CMTM3: variants seen among roughly 807,000 people sequenced by gnomAD.
CMTM3 encodes CKLF-like MARVEL transmembrane domain-containing protein 3.
Under a neutral mutation model 18.2 loss-of-function variants are expected in CMTM3, and 7 were observed. The ratio of observed to expected loss-of-function variants is 0.38; its 90% CI spans 0.22 to 0.72. The LOEUF (loss-of-function observed/expected upper bound fraction) is 0.72, where lower values mean the gene tolerates loss of function less well. Among genes scored for constraint, CMTM3 ranks in the 30% least tolerant of loss-of-function variants. The pLI is 0.46. For missense variants in CMTM3, 227 were observed against 249.2 expected (o/e 0.91, Z 0.60); for synonymous variants, 109 against 111.2 (o/e 0.98, Z 0.12).
Position 66,609,298 on chromosome 16 carries a change from A to C in CMTM3, c.304-137A>C. On this transcript the variant is annotated intron_variant, in intron 2 of 4. Transcript: ENST00000567572. This position sits in a 1 kb window ranked among gnomAD's most constrained non-coding sequence, Gnocchi z 4.4. Reference sequence around the variant, plus strand: ...TCGGGGGTGGGACAAGGGCCTAGGCATGTGGGTGGGGCCAGGATGGGATAG... The same window carrying C: ...TCGGGGGTGGGACAAGGGCCTAGGCCTGTGGGTGGGGCCAGGATGGGATAG... 1.4e-6 allele frequency: 1 copy of C among 699,048 alleles called. No individual in the cohort carries two copies. Among genetic ancestry groups the C allele is most frequent in the Non-Finnish European group, 2.4e-6 (1 of 414,364 alleles). 43.3% of individuals were successfully genotyped at this position (699,048 alleles called of 1,614,324 possible).
chr16:66,607,329 G>A (rs952370111), intron 1 of CMTM3, among the ~76,000 whole-genome samples: 1 of 152,236 alleles, frequency 6.6e-6, no homozygotes, highest in Non-Finnish European at 1.5e-5. Context: ...TTCAAGTACA[G>A]CTGGCCCCAC....
In CMTM3 at chr16:66,609,654, A is replaced by G. The variant is rs974156047; in HGVS notation, c.399+124A>G. On this transcript the variant is annotated intron_variant, in intron 3 of 4. Coordinates refer to ENST00000567572, the MANE Select transcript of CMTM3 (RefSeq NM_181553.4). This position sits in a 1 kb window ranked among gnomAD's most constrained non-coding sequence, Gnocchi z 4.4. ...CTGGGGTCTCATGTGGGTCCCGATG[A>G]TGATTCCAAAGTCCTCTCATTAAAG... 1.0e-4 allele frequency: 153 copies of G among 1,522,718 alleles called. No individual in the cohort carries two copies. The highest frequency in any genetic ancestry group is 1.2e-4 in the Non-Finnish European group (135 of 1,128,924). 94.3% of individuals were successfully genotyped at this position (1,522,718 alleles called of 1,614,324 possible).
rs2015274874 is a variant in CMTM3, at chr16:66,609,202, A to G, written c.304-233A>G. Among the ~76,000 whole-genome samples, 1 of 152,120 alleles carries G rather than the reference A, an allele frequency of 6.6e-6. No homozygotes were observed. Among genetic ancestry groups the G allele is most frequent in the Non-Finnish European group, 1.5e-5 (1 of 68,022 alleles). On this transcript the variant is annotated intron_variant, in intron 2 of 4. Transcript: ENST00000567572. This position sits in a 1 kb window ranked among gnomAD's most constrained non-coding sequence, Gnocchi z 4.4. ...CTGATCCACACAGTTTTTTGCCCAGAGCTTAGGACAGCAGCCCCGCTGGAC... is the reference window on the plus strand; with the variant it reads ...CTGATCCACACAGTTTTTTGCCCAGGGCTTAGGACAGCAGCCCCGCTGGAC...
intron 4 of CMTM3, among the ~76,000 whole-genome samples, chr16:66,611,583 G>A (rs951859066): frequency 7.2e-5 from 11 of 152,140 alleles, no homozygotes; most frequent in African/African-American, 2.7e-4. Context: ...ATGAGCCAGC[G>A]ACAGCTCATG....
At position 66,609,584 on chromosome 16, in the gene CMTM3, T is replaced by A; in HGVS notation, c.399+54T>A. On this transcript the variant is annotated intron_variant, in intron 3 of 4. Transcript: ENST00000567572. The surrounding 1 kb of genome is among the most constrained non-coding windows in gnomAD (Gnocchi z 4.4). ...CTGCAGATGCCCCTCTAGCCCCTCA[T>A]TTAGGGTGGGACCTGGGGCAGAGCC... The A allele has an allele frequency of 6.5e-7, 1 of 1,535,818 alleles. No homozygotes were observed. The highest frequency in any genetic ancestry group is 1.9e-5 in the Admixed American group (1 of 51,342).
chr16:66,605,041 C>T lies in CMTM3; in HGVS notation c.147+89C>T. On this transcript the variant is annotated intron_variant, in intron 1 of 4. Coordinates refer to ENST00000567572, the MANE Select transcript of CMTM3 (RefSeq NM_181553.4). This position sits in a 1 kb window ranked among gnomAD's most constrained non-coding sequence, Gnocchi z 4.6. ...TCGGGGCGCGGGTGGGGTCCGGGGG[C>T]GGCCGCCGTGCTCCGATACCCCCTC... The T allele has an allele frequency of 2.5e-6, 3 of 1,211,880 alleles. No homozygotes were observed. The highest frequency in any genetic ancestry group is 2.0e-5 in the South Asian group (1 of 51,126). 75.1% of individuals were successfully genotyped at this position (1,211,880 alleles called of 1,614,324 possible).
chr16:66,611,953 C>G (rs771742743), intron 4 of CMTM3, among the ~76,000 whole-genome samples: 40 of 151,688 alleles, frequency 2.6e-4, no homozygotes, highest in Non-Finnish European at 4.7e-4. Flanking sequence ...CCTGCTGAAC[C>G]TGGGGGTGGG....
At position 66,613,067 on chromosome 16, in the gene CMTM3, G is replaced by C. The variant is rs552097729; in HGVS notation, c.*430G>C. On this transcript the variant is annotated 3_prime_UTR_variant, in exon 5 of 5. Coordinates refer to ENST00000567572, the MANE Select transcript of CMTM3 (RefSeq NM_181553.4). ...TGACAGGGCTGCCCCGCCAGGCCCCGGTGGGTTTGTCTGCACTTGGTGCTC... is the reference window on the plus strand; with the variant it reads ...TGACAGGGCTGCCCCGCCAGGCCCCCGTGGGTTTGTCTGCACTTGGTGCTC... The C allele has an allele frequency of 1.4e-6, 1 of 702,986 alleles. No individual in the cohort carries two copies. Among genetic ancestry groups the C allele is most frequent in the Admixed American group, 2.0e-5 (1 of 50,012 alleles). 43.5% of individuals were successfully genotyped at this position (702,986 alleles called of 1,614,324 possible).
rs1304277771 is a variant in CMTM3 at position 66,609,420 on chromosome 16, C to T, written c.304-15C>T. On this transcript the variant is annotated splice_polypyrimidine_tract_variant and intron_variant, in intron 2 of 4. Coordinates refer to ENST00000567572, the MANE Select transcript of CMTM3 (RefSeq NM_181553.4). The surrounding 1 kb of genome is among the most constrained non-coding windows in gnomAD (Gnocchi z 4.4). ...AGCTCCAGGGGCTCAGGGCAGCATG[C>T]CCCTCTCTCCCCAGGACTTCCTGCG... is the stretch of plus-strand genomic sequence containing the variant. 1.2e-6 allele frequency: 2 copies of T among 1,607,330 alleles called. No individual in the cohort carries two copies. The highest frequency in any genetic ancestry group is 1.7e-6 in the Non-Finnish European group (2 of 1,176,048).
Position 66,605,246 on chromosome 16 carries a change from C to G in CMTM3, c.147+294C>G, listed in dbSNP as rs1183203962. On this transcript the variant is annotated intron_variant, in intron 1 of 4. Coordinates refer to ENST00000567572, the MANE Select transcript of CMTM3 (RefSeq NM_181553.4). This position sits in a 1 kb window ranked among gnomAD's most constrained non-coding sequence, Gnocchi z 4.6. ...GGGGATGTGGGTCCTGCTGTGTGAG[C>G]CAGGCGCCCCCGCCCTCTCTGGGCC... 2 of 275,860 alleles carry G rather than the reference C, an allele frequency of 7.3e-6. No individual in the cohort carries two copies. The highest frequency in any genetic ancestry group is 1.4e-5 in the Non-Finnish European group (2 of 147,388). The allele number at this position is 275,860 out of a possible 1,614,324, so 17.1% of individuals were successfully genotyped here. A position where few individuals can be genotyped will look rare whatever the true frequency, so the allele number is the denominator to read the frequency against.
chr16:66,608,354 T>A lies in CMTM3; in HGVS notation c.193T>A (p.Ser65Thr), dbSNP rs756597445. 1.2e-6 allele frequency: 2 copies of A among 1,614,234 alleles called. No homozygotes were observed. The highest frequency in any genetic ancestry group is 1.7e-6 in the Non-Finnish European group (2 of 1,180,042). Reference protein sequence around the residue: ...TFICYVASSASAFLTAPLLEF... With the variant: ...TFICYVASSATAFLTAPLLEF... ...TATCTGCTATGTGGCGTCCTCAGCA[T>A]CTGCCTTCCTCACAGCGCCTCTGCT... Residue 65 changes from serine to threonine, a missense_variant, in exon 2 of 5, where the codon TCT (serine) becomes ACT (threonine). Transcript: ENST00000567572. The surrounding 1 kb of genome is among the most constrained non-coding windows in gnomAD (Gnocchi z 5.1).
At position 66,609,458 on chromosome 16, in the gene CMTM3, G is replaced by T. The variant is rs146435793; in HGVS notation, c.327G>T (p.Ala109=). The T allele has an allele frequency of 1.9e-6, 3 of 1,612,864 alleles. No homozygotes were observed. The highest frequency in any genetic ancestry group is 2.5e-6 in the Non-Finnish European group (3 of 1,179,652). The part of the protein sequence containing the change: ...PMMDFLRCVT[A]ALIYFAISIT... ...AGGACTTCCTGCGCTGTGTCACCGC[G>T]GCCCTCATCTACTTTGCTATCTCCA... The change falls in exon 3 of 5, where the codon GCG becomes GCT. Residue 109 remains alanine (A), a synonymous_variant. Coordinates refer to ENST00000567572, the MANE Select transcript of CMTM3 (RefSeq NM_181553.4). The surrounding 1 kb of genome is among the most constrained non-coding windows in gnomAD (Gnocchi z 4.4).
intron 4 of CMTM3, chr16:66,611,001 G>C (rs990088046): frequency 2.5e-6 from 1 of 397,894 alleles, no homozygotes; most frequent in Non-Finnish European, 4.4e-6. Context: ...CCAGTTGCCC[G>C]CAGCAAGTGA....
At chr16:66,604,999 C>T (rs1463881731) in intron 1 of CMTM3, 47 bp downstream of exon 1, 3 of 1,409,364 alleles carry the variant, frequency 2.1e-6, no homozygotes, top group Non-Finnish European at 2.8e-6. Flanking sequence ...CTGCGCGGCT[C>T]CTTTCGGAGG....
Position 66,613,538 on chromosome 16 carries a change from T to C in CMTM3, c.*901T>C, listed in dbSNP as rs370967832. On this transcript the variant is annotated 3_prime_UTR_variant, in exon 5 of 5. Coordinates refer to ENST00000567572, the MANE Select transcript of CMTM3 (RefSeq NM_181553.4). Reference sequence around the variant, plus strand: ...CCTTCTGTGTTCACCTAACGATTTATACTGTGTATCTGTCTTTGATGGAAT... The same window carrying C: ...CCTTCTGTGTTCACCTAACGATTTACACTGTGTATCTGTCTTTGATGGAAT... 1.2e-3 allele frequency: 208 copies of C among 177,452 alleles called. No individual in the cohort carries two copies. The highest frequency in any genetic ancestry group is 2.5e-3 in the Admixed American group (44 of 17,652). 11.0% of individuals were successfully genotyped at this position (177,452 alleles called of 1,614,324 possible). A position where few individuals can be genotyped will look rare whatever the true frequency, so the allele number is the denominator to read the frequency against.
In CMTM3 at chr16:66,613,041, A is replaced by G. The variant is rs909211909; in HGVS notation, c.*404A>G. 2.0e-5 allele frequency: 14 copies of G among 702,872 alleles called. No individual in the cohort carries two copies. The African/African-American group carries it at 2.4e-4, about 12-fold the overall frequency. 43.5% of individuals were successfully genotyped at this position (702,872 alleles called of 1,614,324 possible). A position where few individuals can be genotyped will look rare whatever the true frequency, so the allele number is the denominator to read the frequency against. On this transcript the variant is annotated 3_prime_UTR_variant, in exon 5 of 5. Coordinates refer to ENST00000567572, the MANE Select transcript of CMTM3 (RefSeq NM_181553.4). ...ACTAACAGGAACAAAGACAGAAACCATGACAGGGCTGCCCCGCCAGGCCCC... is the reference window on the plus strand; with the variant it reads ...ACTAACAGGAACAAAGACAGAAACCGTGACAGGGCTGCCCCGCCAGGCCCC...
Position 66,608,591 on chromosome 16 carries a change from G to T in CMTM3, c.303+127G>T. 2 of 893,216 alleles carry T rather than the reference G, an allele frequency of 2.2e-6. No individual in the cohort carries two copies. Among genetic ancestry groups the T allele is most frequent in the Non-Finnish European group, 3.4e-6 (2 of 593,108 alleles). 55.3% of individuals were successfully genotyped at this position (893,216 alleles called of 1,614,324 possible). ...TGGAGTTTGCAGTTGGTTAGAACTG[G>T]ATGGAGAGACCCAGCTTCAGATCAT... is the stretch of plus-strand genomic sequence containing the variant. On this transcript the variant is annotated intron_variant, in intron 2 of 4. Coordinates refer to ENST00000567572, the MANE Select transcript of CMTM3 (RefSeq NM_181553.4). This position sits in a 1 kb window ranked among gnomAD's most constrained non-coding sequence, Gnocchi z 5.1.
rs745716577 is a variant in CMTM3 at position 66,609,103 on chromosome 16, A to G, written c.304-332A>G. ...CGAGGCCCAGAGCCAGATCTCCCCAATGGAGAGCGGGAAGGGAGCAGGTGG... is the reference window on the plus strand; with the variant it reads ...CGAGGCCCAGAGCCAGATCTCCCCAGTGGAGAGCGGGAAGGGAGCAGGTGG... On this transcript the variant is annotated intron_variant, in intron 2 of 4. Transcript: ENST00000567572. The surrounding 1 kb of genome is among the most constrained non-coding windows in gnomAD (Gnocchi z 4.4). Among the ~76,000 whole-genome samples the G allele has an allele frequency of 1.7e-4, 26 of 152,116 alleles. No individual in the cohort carries two copies. Among genetic ancestry groups the G allele is most frequent in the Non-Finnish European group, 2.4e-4 (16 of 67,994 alleles).
At chr16:66,604,485 G>A, upstream of CMTM3, 1 of 226,808 alleles carries the variant, frequency 4.4e-6, no homozygotes, top group South Asian at 1.8e-4. Context: ...GCAGACGGGT[G>A]GGAGCTCCGA....
Sources: gnomAD v4.1 joint callset for allele counts (sites outside exome capture counted in the v4.1 genomes callset) on GRCh38, gnomAD v4.1.1 for gene constraint, Gnocchi (gnomAD v3.1) non-coding constraint, MANE v1.5 for transcripts, NCBI Gene and HGNC (gene_info 2026-07-23, HGNC 2026-07-21) for gene names.